The following DLC1 variants were observed in gnomAD, a reference collection of about 807,000 sequenced individuals.
The protein encoded by DLC1 is DLC1 Rho GTPase activating protein.
A neutral mutation model predicts 140.3 loss-of-function variants in DLC1; 54 were observed. The ratio of observed to expected loss-of-function variants is 0.38; its 90% CI spans 0.31 to 0.48. The LOEUF (loss-of-function observed/expected upper bound fraction) is 0.48. DLC1 is among the 20% of genes least tolerant of loss of function. DLC1 has a pLI of 0.96. For synonymous variants in DLC1, 986 were observed against 728.1 expected (o/e 1.35, Z -5.70); for missense variants, 2,536 against 1,907.0 (o/e 1.33, Z -6.14).
At chr8:13,296,923 A>G (rs1445877482) in intron 5 of DLC1, among the ~76,000 whole-genome samples, 1 of 152,072 alleles carries the variant, frequency 6.6e-6, no homozygotes, top group Non-Finnish European at 1.5e-5. Flanking sequence ...TGCTTAAAAT[A>G]TAATTGAGAG....
At chr8:13,092,554 G>A in intron 13 of DLC1, 58 bp downstream of exon 13, 1 of 1,566,724 alleles carries the variant, frequency 6.4e-7, no homozygotes, top group Non-Finnish European at 8.7e-7. Flanking sequence ...GCTACGGAGA[G>A]TCCTAGGAAG....
intron 2 of DLC1, among the ~76,000 whole-genome samples, chr8:13,469,630 C>T (rs963988115): frequency 1.3e-5 from 2 of 152,008 alleles, no homozygotes; most frequent in Non-Finnish European, 2.9e-5. Flanking sequence ...ATTTTTCATT[C>T]CCTAAAAGTT....
rs375115845 is a variant in DLC1 at position 13,100,656 on chromosome 8, C to T, written c.1681G>A (p.Asp561Asn). The T allele has an allele frequency of 3.7e-6, 6 of 1,614,134 alleles. No homozygotes were observed. The East Asian group carries it at 6.7e-5, about 18-fold the overall frequency. The change falls in exon 9 of 18, where the codon GAC becomes AAC. Residue 561 changes from aspartate (D) to asparagine (N), a missense_variant. Coordinates refer to ENST00000276297, the MANE Select transcript of DLC1 (RefSeq NM_182643.3). ...TCGTCTGGGGACCCAGGGACCAGGT[C>T]TTGTTTTGGAGAAAAGACATCAAAC... is the stretch of plus-strand genomic sequence containing the variant. The part of the protein sequence containing the change: ...EEFDVFSPKQ[D>N]LVPGSPDDSH...
At chr8:13,319,076 T>C (rs1832979714) in intron 4 of DLC1, among the ~76,000 whole-genome samples, 2 of 152,232 alleles carry the variant, frequency 1.3e-5, no homozygotes, top group African/African-American at 4.8e-5. Flanking sequence ...TCAGCAGTGA[T>C]GCTAACGGGT....
At chr8:13,547,657 G>T (rs930431906) in intron 1 of DLC1, among the ~76,000 whole-genome samples, 14 of 151,970 alleles carry the variant, frequency 9.2e-5, no homozygotes, top group African/African-American at 2.7e-4. Context: ...AATTTGTCAA[G>T]GTTAGAAAAT....
At position 13,095,249 on chromosome 8, in the gene DLC1, T is replaced by C; in HGVS notation, c.3168-4A>G. ...CTTCATGAACTTGGGCACGGCCCTG[T>C]TAAAGAACACAGAGATGGTGGTGTT... On this transcript the variant is annotated splice_polypyrimidine_tract_variant and splice_region_variant and intron_variant, in intron 10 of 17. Transcript: ENST00000276297. The C allele has an allele frequency of 1.9e-6, 3 of 1,614,240 alleles. No individual in the cohort carries two copies. The highest frequency in any genetic ancestry group is 2.5e-6 in the Non-Finnish European group (3 of 1,180,046).
chr8:13,315,970 C>G (rs376016759), intron 4 of DLC1, among the ~76,000 whole-genome samples: 118 of 152,332 alleles, frequency 7.7e-4, no homozygotes, highest in African/African-American at 2.8e-3. Flanking sequence ...GAAGTTCTTG[C>G]TTTAATATAG....
chr8:13,214,702 A>T, intron 5 of DLC1: 1 of 780,816 alleles, frequency 1.3e-6, no homozygotes, highest in Non-Finnish European at 2.4e-6. Flanking sequence ...ACCAATTGCC[A>T]CTTCCGAGTT....
chr8:13,598,647 A>G (rs888124892), intron 1 of DLC1, among the ~76,000 whole-genome samples: 1 of 151,892 alleles, frequency 6.6e-6, no homozygotes, highest in Non-Finnish European at 1.5e-5. Flanking sequence ...TGCATGCACT[A>G]TTTTTTCTTA....
rs1834708186 is a variant in DLC1 at position 13,352,227 on chromosome 8, C to T, written c.1314+41326G>A. ...CGCTTGTTCCGAACACACGCACGGCCCTCTCGGCCTCACCGTCACATGCAC... is the reference window on the plus strand; with the variant it reads ...CGCTTGTTCCGAACACACGCACGGCTCTCTCGGCCTCACCGTCACATGCAC... On this transcript the variant is annotated intron_variant, in intron 4 of 17. Transcript: ENST00000276297. Among the ~76,000 whole-genome samples, 3 of 152,198 alleles carry T rather than the reference C, an allele frequency of 2.0e-5. 1 individual carries two copies. Among genetic ancestry groups the T allele is most frequent in the Admixed American group, 2.0e-4 (3 of 15,284 alleles).
intron 14 of DLC1, among the ~76,000 whole-genome samples, chr8:13,090,683 A>T (rs372668038): frequency 2.6e-5 from 4 of 152,218 alleles, no homozygotes; most frequent in African/African-American, 9.6e-5. Flanking sequence ...TCTTATTTCC[A>T]TGTAAGGTCT....
Position 13,086,467 on chromosome 8 carries a change from T to C in DLC1, c.4293-4A>G, listed in dbSNP as rs764827414. The C allele has an allele frequency of 1.1e-5, 18 of 1,609,516 alleles. No individual in the cohort carries two copies. Among genetic ancestry groups the C allele is most frequent in the Admixed American group, 3.4e-5 (2 of 58,678 alleles). On this transcript the variant is annotated splice_region_variant and splice_polypyrimidine_tract_variant and intron_variant, in intron 16 of 17. Transcript: ENST00000276297. ...GGGTAAATTAGTCCTCCAGGTTCTGTAGAGACAAAACCAGAGGCAGAAATG... is the reference window on the plus strand; with the variant it reads ...GGGTAAATTAGTCCTCCAGGTTCTGCAGAGACAAAACCAGAGGCAGAAATG...
intron 5 of DLC1, among the ~76,000 whole-genome samples, chr8:13,153,921 G>C (rs964180025): frequency 1.3e-5 from 2 of 151,936 alleles, no homozygotes; most frequent in African/African-American, 4.8e-5. Flanking sequence ...CACTAGATTA[G>C]CTAGACAAGA....
At chr8:13,453,404 G>GTGTATATATA (rs1554523011) in intron 2 of DLC1, among the ~76,000 whole-genome samples, 1 of 22,978 alleles carries the variant, frequency 4.4e-5, no homozygotes, top group Non-Finnish European at 7.6e-5. Context: ...ATATATATGT[G>GTGTATATATA]TATATATATA....
rs973371923 is a variant in DLC1, at chr8:13,184,627, C to T, written c.1349-68970G>A. On this transcript the variant is annotated intron_variant, in intron 5 of 17. Coordinates refer to ENST00000276297, the MANE Select transcript of DLC1 (RefSeq NM_182643.3). ...TGTGGTTTTGAGTTAGTTTTGTAAT[C>T]CTGAGTTCTAATTTGACTGTACTGT... Among the ~76,000 whole-genome samples the T allele has an allele frequency of 2.0e-5, 3 of 152,266 alleles. No individual in the cohort carries two copies. In the South Asian group the frequency reaches 6.2e-4, roughly 32 times the overall value.
rs766752088 is a variant in DLC1 at position 13,102,817 on chromosome 8, C to T, written c.1539G>A (p.Lys513=). Reference sequence around the variant, plus strand: ...GTTTCCGATGAGGACTAATTTCTAGCTTCATCACCGCACATTTGTTTAAAG... The same window carrying T: ...GTTTCCGATGAGGACTAATTTCTAGTTTCATCACCGCACATTTGTTTAAAG... ...LNTLNKCAVM[K]LEISPHRKRS... Residue 513 remains lysine (K), a synonymous_variant, in exon 8 of 18, where the codon AAG becomes AAA. Coordinates refer to ENST00000276297, the MANE Select transcript of DLC1 (RefSeq NM_182643.3). The T allele has an allele frequency of 5.0e-6, 8 of 1,614,048 alleles. No individual in the cohort carries two copies. Among genetic ancestry groups the T allele is most frequent in the Non-Finnish European group, 6.8e-6 (8 of 1,179,994 alleles).
chr8:13,551,277 C>A (rs777368387), intron 1 of DLC1, among the ~76,000 whole-genome samples: 2 of 151,972 alleles, frequency 1.3e-5, no homozygotes, highest in African/African-American at 2.4e-5. Flanking sequence ...ATGCATTGTT[C>A]TAAATCACAG....
chr8:13,308,402 T>C lies in DLC1; in HGVS notation c.1315-3100A>G, dbSNP rs76651835. Among the ~76,000 whole-genome samples, 1,293 of 152,308 alleles carry C rather than the reference T, an allele frequency of 8.5e-3. 23 individuals carry two copies. The highest frequency in any genetic ancestry group is 0.03 in the African/African-American group (1,249 of 41,570). ...ACTTCTTTTTAAGAGTAAAACCACA[T>C]AGTGATAACAGGTGGATATTCCTCC... On this transcript the variant is annotated intron_variant, in intron 4 of 17. Coordinates refer to ENST00000276297, the MANE Select transcript of DLC1 (RefSeq NM_182643.3).
chr8:13,563,606 G>T (rs1804322734), intron 1 of DLC1, among the ~76,000 whole-genome samples: 1 of 152,054 alleles, frequency 6.6e-6, no homozygotes, highest in African/African-American at 2.4e-5. Flanking sequence ...GGTGTAAAGG[G>T]TAGAATATTT....
Sources: gnomAD v4.1 joint callset for allele counts (sites outside exome capture counted in the v4.1 genomes callset) on GRCh38, gnomAD v4.1.1 for gene constraint, MANE v1.5 for transcripts, NCBI Gene and HGNC (gene_info 2026-07-23, HGNC 2026-07-21) for gene names.